IDO2: variants seen among roughly 807,000 people sequenced by gnomAD.
The protein encoded by IDO2 is indoleamine 2,3-dioxygenase-like 1 protein.
A neutral mutation model predicts 45.1 loss-of-function variants in IDO2; 46 were observed. The observed-to-expected ratio is 1.02, with a 90% CI of 0.80 to 1.30. The LOEUF (loss-of-function observed/expected upper bound fraction) is 1.30, where lower values mean the gene tolerates loss of function less well. Among genes scored for constraint, IDO2 ranks in the 50% most tolerant of loss-of-function variants. The pLI, the probability that IDO2 is intolerant of heterozygous loss-of-function variation, is 0.00. For missense variants in IDO2, 544 were observed against 491.8 expected (o/e 1.11, Z -1.00); for synonymous variants, 218 against 184.9 (o/e 1.18, Z -1.45).
chr8:40,015,417 C>A (rs1802373199), exon 11 of IDO2: 2 of 1,613,940 alleles, frequency 1.2e-6, no homozygotes, highest in Non-Finnish European at 1.7e-6. Flanking sequence ...GCGGAGCTAT[C>A]ACATCACCAT....
chr8:39,948,780 C>T (rs541072356), intron 1 of IDO2, among the ~76,000 whole-genome samples: 63 of 152,218 alleles, frequency 4.1e-4, no homozygotes, highest in African/African-American at 1.5e-3. Context: ...GTCAAATTCA[C>T]GATGGAGCAG....
At position 39,985,468 on chromosome 8, in the gene IDO2, T is replaced by A. The variant is rs1389768499; in HGVS notation, c.435-40T>A. 3.3e-6 allele frequency: 5 copies of A among 1,522,958 alleles called. No homozygotes were observed. In the African/African-American group the frequency reaches 5.6e-5, roughly 17 times the overall value. 94.3% of individuals were successfully genotyped at this position (1,522,958 alleles called of 1,614,324 possible). A position where few individuals can be genotyped will look rare whatever the true frequency, so the allele number is the denominator to read the frequency against. On this transcript the variant is annotated intron_variant, in intron 5 of 10. Coordinates refer to ENST00000502986, the Ensembl canonical transcript of IDO2. ...CAAACTGAATTGTTCTTTTATTTTT[T>A]TTCTCTCTTGGTGGTCATCAATAAC...
intron 8 of IDO2, among the ~76,000 whole-genome samples, chr8:40,000,966 A>G (rs1231290770): frequency 1.3e-5 from 2 of 151,898 alleles, no homozygotes; most frequent in African/African-American, 2.4e-5. Flanking sequence ...TTTACTTTGC[A>G]TTTCTCTGAT....
intron 6 of IDO2, 111 bp downstream of exon 6, chr8:39,985,633 C>A: frequency 1.2e-6 from 1 of 858,188 alleles, no homozygotes; most frequent in Non-Finnish European, 1.8e-6. Flanking sequence ...TAATATCAAC[C>A]ATATAAAATG....
At chr8:39,949,314 G>A in intron 2 of IDO2, 50 bp downstream of exon 2, 1 of 1,412,682 alleles carries the variant, frequency 7.1e-7, no homozygotes, top group Non-Finnish European at 9.6e-7. Context: ...TTCTTGAGAT[G>A]TTGGTTGGTT....
At chr8:40,015,609 GC>G in exon 11 of IDO2, 1 of 1,596,288 alleles carries the variant, frequency 6.3e-7, no homozygotes, top group Non-Finnish European at 8.6e-7. Context: ...TTAGGAGGCT[GC>G]CCTCTCCCCA....
At chr8:39,959,797 G>T (rs1020184319) in intron 2 of IDO2, among the ~76,000 whole-genome samples, 21 of 152,190 alleles carry the variant, frequency 1.4e-4, no homozygotes, top group African/African-American at 4.8e-4. Context: ...GAGCAATAGG[G>T]TGAAACTGTG....
chr8:40,001,458 C>T (rs1254659000), intron 8 of IDO2, among the ~76,000 whole-genome samples: 18 of 151,738 alleles, frequency 1.2e-4, no homozygotes, highest in Admixed American at 1.2e-3. Context: ...CTATGTTGGC[C>T]AGACTGGTCT....
At chr8:39,941,069 A>C (rs949535504) in intron 1 of IDO2, among the ~76,000 whole-genome samples, 2 of 151,808 alleles carry the variant, frequency 1.3e-5, no homozygotes, top group Non-Finnish European at 2.9e-5. Context: ...AAAAAATACA[A>C]AAATTAGCTT....
intron 9 of IDO2, among the ~76,000 whole-genome samples, chr8:40,011,341 GA>G (rs1421812378): frequency 1.3e-5 from 2 of 152,172 alleles, no homozygotes; most frequent in African/African-American, 4.8e-5. Context: ...AGGAGCTAGT[GA>G]AAAAGCCCCA....
At chr8:40,010,673 A>G (rs1282201705) in intron 9 of IDO2, among the ~76,000 whole-genome samples, 3 of 152,194 alleles carry the variant, frequency 2.0e-5, no homozygotes, top group Admixed American at 6.5e-5. Flanking sequence ...GATATGAGTC[A>G]AAGATAATTT....
At chr8:40,012,833 G>T (rs1802327773) in intron 9 of IDO2, among the ~76,000 whole-genome samples, 2 of 152,126 alleles carry the variant, frequency 1.3e-5, no homozygotes, top group African/African-American at 2.4e-5. Flanking sequence ...CAGCCTTTCT[G>T]CATGTCCCTG....
intron 3 of IDO2, among the ~76,000 whole-genome samples, chr8:39,977,592 G>A (rs1471051608): frequency 6.6e-6 from 1 of 152,198 alleles, no homozygotes; most frequent in Non-Finnish European, 1.5e-5. Flanking sequence ...GAGGCAGGAG[G>A]ATTGCTTGAG....
chr8:39,935,395 G>A (rs16888361), intron 1 of IDO2, among the ~76,000 whole-genome samples, 177 bp downstream of exon 1: 26,628 of 151,922 alleles, frequency 0.18, 2,617 homozygotes, highest in South Asian at 0.31. Context: ...TTTGGTCCAT[G>A]GGCTGAATGC....
chr8:39,982,460 G>A (rs979601963), intron 4 of IDO2, among the ~76,000 whole-genome samples, 192 bp from the exon 5 acceptor site: 1 of 152,116 alleles, frequency 6.6e-6, no homozygotes, highest in African/African-American at 2.4e-5. Flanking sequence ...GTACTCATAA[G>A]CAGTATTTCC....
intron 7 of IDO2, among the ~76,000 whole-genome samples, chr8:39,988,358 G>A (rs1808454214): frequency 6.6e-6 from 1 of 152,072 alleles, no homozygotes; most frequent in Non-Finnish European, 1.5e-5. Context: ...GAGTCAGACA[G>A]GTATCAGGAA....
At chr8:39,984,612 C>A (rs1563434971) in intron 5 of IDO2, among the ~76,000 whole-genome samples, 1 of 152,150 alleles carries the variant, frequency 6.6e-6, no homozygotes, top group African/African-American at 2.4e-5. Context: ...TTGGTAATTA[C>A]CTTTTGAAGC....
At chr8:39,989,252 C>G (rs1345572869) in intron 7 of IDO2, among the ~76,000 whole-genome samples, 1 of 152,020 alleles carries the variant, frequency 6.6e-6, no homozygotes, top group African/African-American at 2.4e-5. Context: ...ATGGGAGAGC[C>G]CACCCCCATA....
intron 3 of IDO2, among the ~76,000 whole-genome samples, chr8:39,974,845 C>A (rs561676082): frequency 6.6e-6 from 1 of 152,148 alleles, no homozygotes; most frequent in Non-Finnish European, 1.5e-5. Flanking sequence ...AGCTTGAACC[C>A]GGGAGGCAGA....
Sources: allele counts gnomAD v4.1 joint callset (sites outside exome capture counted in the v4.1 genomes callset), GRCh38; gene constraint gnomAD v4.1.1; transcripts MANE v1.5; gene names NCBI Gene and HGNC (gene_info 2026-07-23, HGNC 2026-07-21).